The following CCDC60 variants were observed in gnomAD, a reference collection of about 807,000 sequenced individuals.
CCDC60 encodes coiled-coil domain containing 60.
Under a neutral mutation model 63.5 loss-of-function variants are expected in CCDC60, and 54 were observed. That is an observed-to-expected ratio of 0.85 (90% CI 0.68 to 1.07). CCDC60 has a LOEUF of 1.07. CCDC60 is among the 50% of genes least tolerant of loss of function. The pLI is 0.00. For missense variants in CCDC60, 651 were observed against 684.3 expected (o/e 0.95, Z 0.54); for synonymous variants, 206 against 238.8 (o/e 0.86, Z 1.27).
At chr12:119,462,909 C>T (rs1375890492) in intron 2 of CCDC60, among the ~76,000 whole-genome samples, 1 of 152,056 alleles carries the variant, frequency 6.6e-6, no homozygotes, top group Non-Finnish European at 1.5e-5. Flanking sequence ...CTACAACCTC[C>T]GCCTCCCAGG....
intron 1 of CCDC60, among the ~76,000 whole-genome samples, chr12:119,404,212 C>T (rs912584396): frequency 1.3e-5 from 2 of 152,178 alleles, no homozygotes; most frequent in Non-Finnish European, 2.9e-5. Context: ...ATCACTTGAA[C>T]CCGGGAGGCT....
intron 1 of CCDC60, among the ~76,000 whole-genome samples, chr12:119,416,902 C>T (rs1565997106): frequency 6.6e-6 from 1 of 152,106 alleles, no homozygotes; most frequent in Non-Finnish European, 1.5e-5. Context: ...GGGCAGATCA[C>T]CTGAGGCCAG....
intron 12 of CCDC60, 32 bp downstream of exon 12, chr12:119,528,778 C>G (rs764293253): frequency 1.2e-5 from 20 of 1,602,348 alleles, no homozygotes; most frequent in Middle Eastern, 1.7e-4. Context: ...TAAGATGGTC[C>G]CTGGAAGAGA....
chr12:119,472,116 A>G lies in CCDC60; in HGVS notation c.293A>G (p.Gln98Arg), dbSNP rs1951074431. 1.2e-6 allele frequency: 2 copies of G among 1,614,076 alleles called. No individual in the cohort carries two copies. The highest frequency in any genetic ancestry group is 2.2e-5 in the South Asian group (2 of 91,086). Residue 98 changes from glutamine (Q) to arginine (R), a missense_variant, in exon 3 of 14, where the codon CAG becomes CGG. Physicochemically the swap from Gln to Arg is conservative, Grantham distance 43. Transcript: ENST00000327554. ...AAAGAGGAGGAAAGAAATAAATTCCAGCCAGCCGAAAAGATCTCAGAAATC... is the reference window on the plus strand; with the variant it reads ...AAAGAGGAGGAAAGAAATAAATTCCGGCCAGCCGAAAAGATCTCAGAAATC... ...KLKEEERNKF[Q>R]PAEKISEIHY...
Position 119,414,219 on chromosome 12 carries a change from G to C in CCDC60, c.91-14464G>C, listed in dbSNP as rs78515948. Among the ~76,000 whole-genome samples the C allele has an allele frequency of 3.7e-4, 57 of 152,076 alleles. No homozygotes were observed. In the East Asian group the frequency reaches 8.0e-3, roughly 21 times the overall value. On this transcript the variant is annotated intron_variant, in intron 1 of 13. Coordinates refer to ENST00000327554, the MANE Select transcript of CCDC60 (RefSeq NM_178499.5). Reference sequence around the variant, plus strand: ...TTTGTAGAAGAGAGGGGATTTCACCGTGTTGGCCAAGCCGGTCTCTAACTC... The same window carrying C: ...TTTGTAGAAGAGAGGGGATTTCACCCTGTTGGCCAAGCCGGTCTCTAACTC...
intron 1 of CCDC60, among the ~76,000 whole-genome samples, chr12:119,351,166 G>T (rs1955652648): frequency 6.6e-6 from 1 of 152,204 alleles, no homozygotes; most frequent in Admixed American, 6.5e-5. Flanking sequence ...AGGATTCAAA[G>T]CATCACAGAA....
rs563453055 is a variant in CCDC60, at chr12:119,401,541, G to A, written c.91-27142G>A. ...CATCTCTTTCTACGTTCAAGACAAG[G>A]GCATTGAGCTCAGCCTATGGATGTC... On this transcript the variant is annotated intron_variant, in intron 1 of 13. Transcript: ENST00000327554. Among the ~76,000 whole-genome samples, 11 of 152,296 alleles carry A rather than the reference G, an allele frequency of 7.2e-5. No homozygotes were observed. The East Asian group carries it at 2.1e-3, about 29-fold the overall frequency.
intron 4 of CCDC60, among the ~76,000 whole-genome samples, chr12:119,488,372 T>A (rs982578651): frequency 2.0e-5 from 3 of 152,226 alleles, no homozygotes; most frequent in Admixed American, 6.5e-5. Context: ...CTGATTTCCT[T>A]GAAGCCTCTC....
chr12:119,428,273 A>G (rs1215188347), intron 1 of CCDC60, among the ~76,000 whole-genome samples: 2 of 152,214 alleles, frequency 1.3e-5, no homozygotes, highest in African/African-American at 4.8e-5. Context: ...TTTTTGCTCT[A>G]AAGTGTAATG....
At chr12:119,338,332 C>T (rs188632279) in intron 1 of CCDC60, among the ~76,000 whole-genome samples, 179 of 152,164 alleles carry the variant, frequency 1.2e-3, no homozygotes, top group African/African-American at 3.9e-3. Context: ...ATGATCATGA[C>T]GATAGTTGGC....
intron 8 of CCDC60, among the ~76,000 whole-genome samples, chr12:119,519,401 ATG>A (rs141127258): frequency 0.18 from 25,008 of 136,204 alleles, 2,655 homozygotes; most frequent in Non-Finnish European, 0.24. Flanking sequence ...AGTGATATAT[ATG>A]TGTGTGTGTG....
rs193169695 is a variant in CCDC60, at chr12:119,537,552, T to A, written c.1552-3062T>A. ...GTTTCTCCCCACCTTTGTGGTTTTA[T>A]CTACCTTTGGTCTTTGTTGGTGGTG... On this transcript the variant is annotated intron_variant, in intron 13 of 13. Transcript: ENST00000327554. 5.0e-3 allele frequency among the ~76,000 whole-genome samples: 761 copies of A among 152,382 alleles called. 8 individuals are homozygous for A. The Middle Eastern group carries it at 0.061, about 12-fold the overall frequency.
chr12:119,540,824 A>G lies in CCDC60; in HGVS notation c.*109A>G. On this transcript the variant is annotated 3_prime_UTR_variant, in exon 14 of 14. Coordinates refer to ENST00000327554, the MANE Select transcript of CCDC60 (RefSeq NM_178499.5). ...CTGACTACCCTCATGGATGCTCTTT[A>G]TGGATGACCCTTTACAGTAGGGTCA... 1 of 748,076 alleles carries G rather than the reference A, an allele frequency of 1.3e-6. No homozygotes were observed. The highest frequency in any genetic ancestry group is 2.2e-6 in the Non-Finnish European group (1 of 445,260). The allele number at this position is 748,076 out of a possible 1,614,324, so 46.3% of individuals were successfully genotyped here.
At chr12:119,382,174 A>T (rs541929737) in intron 1 of CCDC60, among the ~76,000 whole-genome samples, 1 of 152,170 alleles carries the variant, frequency 6.6e-6, no homozygotes, top group African/African-American at 2.4e-5. Flanking sequence ...AGCCACAAAA[A>T]CTCTTTCCCT....
intron 2 of CCDC60, among the ~76,000 whole-genome samples, chr12:119,460,533 C>A (rs1443753888): frequency 6.6e-6 from 1 of 152,178 alleles, no homozygotes; most frequent in Admixed American, 6.5e-5. Context: ...CAAGCTGCCC[C>A]CAAACTCAAT....
intron 1 of CCDC60, among the ~76,000 whole-genome samples, chr12:119,380,448 GA>G (rs1955996565): frequency 6.6e-6 from 1 of 152,208 alleles, no homozygotes; most frequent in African/African-American, 2.4e-5. Context: ...TGAATATCAA[GA>G]AAGTATAGTG....
intron 2 of CCDC60, among the ~76,000 whole-genome samples, chr12:119,450,634 G>A (rs185766266): frequency 2.5e-4 from 38 of 152,174 alleles, no homozygotes; most frequent in African/African-American, 8.4e-4. Context: ...CGAGGTGGGC[G>A]GATCACAAGG....
chr12:119,377,415 T>G (rs945133089), intron 1 of CCDC60, among the ~76,000 whole-genome samples: 2 of 152,138 alleles, frequency 1.3e-5, no homozygotes, highest in African/African-American at 2.4e-5. Context: ...TCAGTTCTGT[T>G]TTCTTTTTAT....
rs539547467 is a variant in CCDC60, at chr12:119,360,535, C to T, written c.90+25269C>T. ...GCGGAGGGTCTCCTCACTTCTCAGA[C>T]GGGGCGGCCGGGCGGAGACGCTCCT... On this transcript the variant is annotated intron_variant, in intron 1 of 13. Coordinates refer to ENST00000327554, the MANE Select transcript of CCDC60 (RefSeq NM_178499.5). 6.7e-3 allele frequency among the ~76,000 whole-genome samples: 924 copies of T among 137,200 alleles called. 8 individuals carry two copies. The highest frequency in any genetic ancestry group is 8.6e-3 in the Non-Finnish European group (549 of 63,640). The allele number at this position is 137,200 out of a possible 152,430, so 90.0% of individuals were successfully genotyped here. A position where few individuals can be genotyped will look rare whatever the true frequency, so the allele number is the denominator to read the frequency against.
Sources: allele counts gnomAD v4.1 joint callset (sites outside exome capture counted in the v4.1 genomes callset), GRCh38; gene constraint gnomAD v4.1.1; transcripts MANE v1.5; gene names NCBI Gene and HGNC (gene_info 2026-07-23, HGNC 2026-07-21).